GALNT2: variants seen among roughly 807,000 people sequenced by gnomAD.
GALNT2 encodes UDP-GalNAc:polypeptide N-acetylgalactosaminyltransferase 2.
Under a neutral mutation model 81.4 loss-of-function variants are expected in GALNT2, and 31 were observed. The ratio of observed to expected loss-of-function variants is 0.38; its 90% CI spans 0.29 to 0.51. The LOEUF is 0.51. Ranked by LOEUF, GALNT2 falls within the 20% of genes least tolerant of loss-of-function variation. The pLI is 0.87. For synonymous variants in GALNT2, 303 were observed against 287.4 expected (o/e 1.05, Z -0.55); for missense variants, 629 against 765.7 (o/e 0.82, Z 2.11).
intron 1 of GALNT2, among the ~76,000 whole-genome samples, chr1:230,116,937 T>G (rs565057122): frequency 6.6e-6 from 1 of 152,228 alleles, no homozygotes; most frequent in Non-Finnish European, 1.5e-5. Flanking sequence ...CAGACTGTCC[T>G]TTGAGGCTTT....
chr1:230,255,160 T>C, intron 10 of GALNT2, 58 bp from the exon 11 acceptor site: 1 of 1,612,686 alleles, frequency 6.2e-7, no homozygotes, highest in Non-Finnish European at 8.5e-7. Flanking sequence ...GTGTGTCTGC[T>C]GTTGCAGAGG....
chr1:230,162,703 G>A (rs1662472366), intron 1 of GALNT2, among the ~76,000 whole-genome samples: 1 of 152,176 alleles, frequency 6.6e-6, no homozygotes. Context: ...TTAACTGTTT[G>A]ACTGTAGGTC....
At chr1:230,151,698 GTC>G (rs761654326) in intron 1 of GALNT2, among the ~76,000 whole-genome samples, 12 of 152,268 alleles carry the variant, frequency 7.9e-5, no homozygotes, top group South Asian at 2.1e-4. Flanking sequence ...CAGGAAAGGG[GTC>G]CCGATCCAGA....
chr1:230,173,726 G>A (rs560869752), intron 1 of GALNT2, among the ~76,000 whole-genome samples: 1 of 152,342 alleles, frequency 6.6e-6, no homozygotes, highest in South Asian at 2.1e-4. Flanking sequence ...TGGCTACTGG[G>A]CGCAAGAGCC....
rs7541144 is a variant in GALNT2 at position 230,140,557 on chromosome 1, A to C, written c.127-37661A>C. Reference sequence around the variant, plus strand: ...CAGCCTCGGAACCGGGAGTACTGTCAGTGGTGCTCGGGAAACTTCCCCCTT... The same window carrying C: ...CAGCCTCGGAACCGGGAGTACTGTCCGTGGTGCTCGGGAAACTTCCCCCTT... On this transcript the variant is annotated intron_variant, in intron 1 of 15. Coordinates refer to ENST00000366672, the MANE Select transcript of GALNT2 (RefSeq NM_004481.5). 4.3e-3 allele frequency among the ~76,000 whole-genome samples: 654 copies of C among 152,292 alleles called. 5 individuals carry two copies. The highest frequency in any genetic ancestry group is 0.015 in the African/African-American group (633 of 41,552).
chr1:230,100,497 T>C (rs950562447), intron 1 of GALNT2, among the ~76,000 whole-genome samples: 1 of 152,118 alleles, frequency 6.6e-6, no homozygotes, highest in African/African-American at 2.4e-5. Context: ...GGCTAATTTT[T>C]GTATTTTTAG....
intron 1 of GALNT2, among the ~76,000 whole-genome samples, chr1:230,073,724 C>A (rs1659443530): frequency 6.6e-6 from 1 of 152,234 alleles, no homozygotes; most frequent in Non-Finnish European, 1.5e-5. Flanking sequence ...CTGAGGCGGG[C>A]TGTCACAAAG....
chr1:230,061,025 A>G (rs1261984723), intron 1 of GALNT2, among the ~76,000 whole-genome samples: 3 of 152,126 alleles, frequency 2.0e-5, no homozygotes, highest in Non-Finnish European at 4.4e-5. Context: ...TGGAATCAAT[A>G]ATTTCTCCAG....
At chr1:230,168,175 A>C (rs1422417030) in intron 1 of GALNT2, among the ~76,000 whole-genome samples, 1 of 113,918 alleles carries the variant, frequency 8.8e-6, no homozygotes, top group Admixed American at 9.5e-5. Flanking sequence ...AAGACTCCTT[A>C]AAGTGTCGGG....
At chr1:230,227,543 A>G (rs1035629651) in intron 3 of GALNT2, among the ~76,000 whole-genome samples, 8 of 150,416 alleles carry the variant, frequency 5.3e-5, no homozygotes, top group African/African-American at 1.9e-4. Context: ...CTATATATAT[A>G]TATGCTATAT....
chr1:230,222,580 A>AT lies in GALNT2; in HGVS notation c.375-13425dup, dbSNP rs200911819. On this transcript the variant is annotated intron_variant, in intron 3 of 15. Coordinates refer to ENST00000366672, the MANE Select transcript of GALNT2 (RefSeq NM_004481.5). The stretch of plus-strand genomic sequence containing the variant: ...AGAGTTTCAAAATCGTAAGAAACTG[A>AT]TTTTTTTTTCTTTTTATCTTTTTAA... Among the ~76,000 whole-genome samples the AT allele has an allele frequency of 5.3e-5, 8 of 151,578 alleles. No individual in the cohort carries two copies. The East Asian group carries it at 9.7e-4, about 18-fold the overall frequency.
At chr1:230,089,981 A>G (rs992033857) in intron 1 of GALNT2, among the ~76,000 whole-genome samples, 2 of 152,106 alleles carry the variant, frequency 1.3e-5, no homozygotes, top group Admixed American at 6.5e-5. Flanking sequence ...TGCTTTCCAC[A>G]GTGACTACAC....
chr1:230,191,426 C>T (rs188013571), intron 2 of GALNT2, among the ~76,000 whole-genome samples: 28 of 152,314 alleles, frequency 1.8e-4, no homozygotes, highest in African/African-American at 6.7e-4. Flanking sequence ...GAAAGGCTAC[C>T]ATATAAAAGA....
chr1:230,064,261 G>C (rs1172762768), upstream of GALNT2, among the ~76,000 whole-genome samples: 1 of 152,036 alleles, frequency 6.6e-6, no homozygotes, highest in Non-Finnish European at 1.5e-5. Context: ...TCCTCCAGTT[G>C]TCTTTAGTTG....
intron 1 of GALNT2, among the ~76,000 whole-genome samples, chr1:230,077,523 A>G (rs1294912949): frequency 6.6e-6 from 1 of 152,232 alleles, no homozygotes; most frequent in Non-Finnish European, 1.5e-5. Context: ...TTTTCTACTT[A>G]TTGAAAGAGC....
chr1:230,152,816 A>G (rs1662132524), intron 1 of GALNT2, among the ~76,000 whole-genome samples: 1 of 152,206 alleles, frequency 6.6e-6, no homozygotes, highest in Non-Finnish European at 1.5e-5. Context: ...CATCTGCGCC[A>G]GCCCTGTCCT....
rs1665765268 is a variant in GALNT2, at chr1:230,257,968, G to T, written c.1136+2624G>T. Among the ~76,000 whole-genome samples, 1 of 152,214 alleles carries T rather than the reference G, an allele frequency of 6.6e-6. No homozygotes were observed. The highest frequency in any genetic ancestry group is 2.1e-4 in the South Asian group (1 of 4,832). Reference sequence around the variant, plus strand: ...CTTGCTCTGTTGCCCAGGCTGGAGTGCAAAGGTGCGATCTCGGCTCACTGC... The same window carrying T: ...CTTGCTCTGTTGCCCAGGCTGGAGTTCAAAGGTGCGATCTCGGCTCACTGC... On this transcript the variant is annotated intron_variant, in intron 11 of 15. Coordinates refer to ENST00000366672, the MANE Select transcript of GALNT2 (RefSeq NM_004481.5). This position sits in a 1 kb window ranked among gnomAD's most constrained non-coding sequence, Gnocchi z 4.6.
intron 11 of GALNT2, among the ~76,000 whole-genome samples, chr1:230,256,577 A>G (rs1293769048): frequency 3.9e-5 from 6 of 152,196 alleles, no homozygotes; most frequent in Admixed American, 1.3e-4. Flanking sequence ...TGTGTATACC[A>G]CAAGACATCG....
At chr1:230,117,954 G>A (rs922127210) in intron 1 of GALNT2, among the ~76,000 whole-genome samples, 14 of 152,194 alleles carry the variant, frequency 9.2e-5, no homozygotes, top group Admixed American at 5.9e-4. Context: ...TCTGTTCTGG[G>A]CAGTGTCATA....
Sources: allele counts gnomAD v4.1 joint callset (sites outside exome capture counted in the v4.1 genomes callset), GRCh38; gene constraint gnomAD v4.1.1; non-coding constraint Gnocchi (gnomAD v3.1); transcripts MANE v1.5; gene names NCBI Gene and HGNC (gene_info 2026-07-23, HGNC 2026-07-21).